The following INTS7 variants were observed in gnomAD, a reference collection of about 807,000 sequenced individuals.
INTS7 encodes integrator complex subunit 7.
A neutral mutation model predicts 109.2 loss-of-function variants in INTS7; 46 were observed. That is an observed-to-expected ratio of 0.42 (90% confidence interval 0.33 to 0.54). The LOEUF (loss-of-function observed/expected upper bound fraction) is 0.54, where lower values mean the gene tolerates loss of function less well. INTS7 is among the 20% of genes least tolerant of loss of function. The pLI, the probability that INTS7 is intolerant of heterozygous loss-of-function variation, is 0.07. For synonymous variants in INTS7, 412 were observed against 402.9 expected (o/e 1.02, Z -0.27); for missense variants, 929 against 1,132.4 (o/e 0.82, Z 2.58).
rs574958448 is a variant in INTS7 at position 211,944,889 on chromosome 1, C to T, written c.2496G>A (p.Glu832=). ...QNNQQLALKV[E]GVVQHGSKPG... ...GTTTAGATCCGTGCTGAACCACTCC[C>T]TCTACCTTTAGCGCCAGCTGCTGGT... Residue 832 remains glutamate, a synonymous_variant, in exon 19 of 20, where the codon GAG becomes GAA. Coordinates refer to ENST00000366994, the MANE Select transcript of INTS7 (RefSeq NM_015434.4). 11 of 1,614,202 alleles carry T rather than the reference C, an allele frequency of 6.8e-6. No homozygotes were observed. In the Admixed American group the frequency reaches 1.7e-4, roughly 24 times the overall value.
At chr1:212,014,946 C>T (rs1558054689) in intron 4 of INTS7, among the ~76,000 whole-genome samples, 1 of 152,220 alleles carries the variant, frequency 6.6e-6, no homozygotes, top group South Asian at 2.1e-4. Flanking sequence ...AGCCTGTGCC[C>T]GGCCGCCACC....
rs1662644240 is a variant in INTS7, at chr1:211,941,830, C to T, written c.2883G>A (p.Arg961=). The part of the protein sequence containing the change: ...QQQQQRNAYT[R]F ...CAGTGCATTCATTCCATGGTTAAAA[C>T]CGTGTGTAGGCATTGCGTTGCTGCT... Residue 961 remains arginine (R), a synonymous_variant, in exon 20 of 20, where the codon CGG becomes CGA. Transcript: ENST00000366994. 6.2e-7 allele frequency: 1 copy of T among 1,613,598 alleles called. No individual in the cohort carries two copies. The highest frequency in any genetic ancestry group is 1.3e-5 in the African/African-American group (1 of 74,896).
intron 7 of INTS7, among the ~76,000 whole-genome samples, chr1:212,001,232 TA>T (rs1558047677): frequency 6.6e-6 from 1 of 151,580 alleles, no homozygotes; most frequent in African/African-American, 2.4e-5. Flanking sequence ...CACGCCCGGC[TA>T]ATTTTGTATT....
chr1:211,973,491 A>C (rs1664269389), intron 13 of INTS7, among the ~76,000 whole-genome samples: 1 of 152,212 alleles, frequency 6.6e-6, no homozygotes, highest in African/African-American at 2.4e-5. Context: ...AGTGTGGCTG[A>C]AGCAGATAAA....
At chr1:211,984,031 T>A (rs1664782479) in intron 8 of INTS7, among the ~76,000 whole-genome samples, 1 of 151,928 alleles carries the variant, frequency 6.6e-6, no homozygotes, top group Admixed American at 6.6e-5. Context: ...ACCTGGCTAA[T>A]TTTGTTATTT....
chr1:211,967,987 A>G lies in INTS7; in HGVS notation c.2011-6T>C. ...TCTTCCATGGACTGTTTCATCTATAAAAAAAAATCAATTATGACAAACAAA... is the reference window on the plus strand; with the variant it reads ...TCTTCCATGGACTGTTTCATCTATAGAAAAAAATCAATTATGACAAACAAA... On this transcript the variant is annotated splice_region_variant and splice_polypyrimidine_tract_variant and intron_variant, in intron 14 of 19. Transcript: ENST00000366994. 6.8e-7 allele frequency: 1 copy of G among 1,475,474 alleles called. No homozygotes were observed. Among genetic ancestry groups the G allele is most frequent in the Non-Finnish European group, 9.3e-7 (1 of 1,077,812 alleles). 91.4% of individuals were successfully genotyped at this position (1,475,474 alleles called of 1,614,324 possible).
At chr1:211,966,584 T>G in intron 15 of INTS7, 86 bp from the exon 16 acceptor site, 1 of 794,050 alleles carries the variant, frequency 1.3e-6, no homozygotes, top group Non-Finnish European at 2.1e-6. Flanking sequence ...TGGTCAAGAT[T>G]TAATGATTGC....
intron 8 of INTS7, among the ~76,000 whole-genome samples, chr1:211,987,050 AC>A (rs1664923527): frequency 1.3e-5 from 2 of 152,346 alleles, no homozygotes; most frequent in South Asian, 4.1e-4. Context: ...TAACCCCAGC[AC>A]TTTGAAAGGG....
Position 211,978,470 on chromosome 1 carries a change from G to T in INTS7, c.1272C>A (p.Pro424=). 1 of 1,614,128 alleles carries T rather than the reference G, an allele frequency of 6.2e-7. No individual in the cohort carries two copies. The highest frequency in any genetic ancestry group is 8.5e-7 in the Non-Finnish European group (1 of 1,180,002). The change falls in exon 11 of 20, where the codon CCC becomes CCA. Residue 424 remains proline, a synonymous_variant. Coordinates refer to ENST00000366994, the MANE Select transcript of INTS7 (RefSeq NM_015434.4). ...TCTCAACTACTGACTGGCTAAGATG[G>T]GGCCTGCCCTTGGCCAACTTCACCA... is the stretch of plus-strand genomic sequence containing the variant. ...NCMVKLAKGR[P]HLSQSVVETL...
At position 211,944,877 on chromosome 1, in the gene INTS7, C is replaced by G; in HGVS notation, c.2508G>C (p.Gln836His). ...GGAAGAGTCCTGGTTTAGATCCGTG[C>G]TGAACCACTCCCTCTACCTTTAGCG... ...QLALKVEGVV[Q>H]HGSKPGLFRK... Residue 836 changes from glutamine (Q) to histidine (H), a missense_variant, in exon 19 of 20, where the codon CAG (glutamine) becomes CAC (histidine). By Grantham distance (24) the Gln-to-His change is conservative. Around this residue, in one of 2 missense-constraint regions of INTS7, gnomAD observed 787 missense variants for 901.1 expected, o/e 0.87. Transcript: ENST00000366994. 1.9e-6 allele frequency: 3 copies of G among 1,614,172 alleles called. No individual in the cohort carries two copies. Among genetic ancestry groups the G allele is most frequent in the Non-Finnish European group, 2.5e-6 (3 of 1,179,980 alleles).
chr1:212,006,897 CCCA>C, intron 6 of INTS7, 136 bp from the exon 7 acceptor site: 1 of 697,636 alleles, frequency 1.4e-6, no homozygotes, highest in South Asian at 2.4e-5. Context: ...TAGCTATGTG[CCCA>C]CATTTGGGCC....
Position 212,016,868 on chromosome 1 carries a change from G to A in INTS7, c.509+18C>T, listed in dbSNP as rs1336554825. 2 of 1,579,934 alleles carry A rather than the reference G, an allele frequency of 1.3e-6. No homozygotes were observed. Among genetic ancestry groups the A allele is most frequent in the Non-Finnish European group, 1.7e-6 (2 of 1,168,858 alleles). Reference sequence around the variant, plus strand: ...GGGAAGCCAAATTACTAAAAGGGATGTACTTTTGTAAGCTTACTTTGACTG... The same window carrying A: ...GGGAAGCCAAATTACTAAAAGGGATATACTTTTGTAAGCTTACTTTGACTG... On this transcript the variant is annotated intron_variant, in intron 4 of 19. Coordinates refer to ENST00000366994, the MANE Select transcript of INTS7 (RefSeq NM_015434.4).
At chr1:212,008,556 C>T (rs548124410) in intron 5 of INTS7, among the ~76,000 whole-genome samples, 6 of 152,222 alleles carry the variant, frequency 3.9e-5, no homozygotes, top group South Asian at 2.1e-4. Context: ...TTTCCATTAT[C>T]GGCTAAATGT....
At chr1:211,954,582 A>G (rs1462232812) in intron 16 of INTS7, among the ~76,000 whole-genome samples, 1 of 152,236 alleles carries the variant, frequency 6.6e-6, no homozygotes, top group African/African-American at 2.4e-5. Flanking sequence ...TATAAGGTGT[A>G]AGGAAGGGAT....
At chr1:212,023,440 T>G (rs1425335365) in intron 1 of INTS7, among the ~76,000 whole-genome samples, 1 of 152,198 alleles carries the variant, frequency 6.6e-6, no homozygotes, top group Non-Finnish European at 1.5e-5. Context: ...ATAATAGCCA[T>G]TTTGACTGGT....
chr1:212,021,830 AG>A (rs1438866958), intron 1 of INTS7, among the ~76,000 whole-genome samples: 1 of 152,152 alleles, frequency 6.6e-6, no homozygotes, highest in African/African-American at 2.4e-5. Context: ...CCTGGGCAGC[AG>A]TGCAAGACCC....
In INTS7 at chr1:211,987,916, C is replaced by T. The variant is rs202190681; in HGVS notation, c.967G>A (p.Ala323Thr). ...ACTATACTGAAGTAATGTTTGATGG[C>T]GATGGTCCCTGATAGTGTGGAAAGG... ...SVLSTLSGTI[A>T]IKHYFSIVPG... is the part of the protein sequence containing the mutation. The change falls in exon 8 of 20, where the codon GCC becomes ACC. Residue 323 changes from alanine (A) to threonine (T), a missense_variant. Transcript: ENST00000366994. 7.3e-5 allele frequency: 117 copies of T among 1,606,730 alleles called. No individual in the cohort carries two copies. The highest frequency in any genetic ancestry group is 3.3e-4 in the Middle Eastern group (2 of 6,052).
At chr1:212,020,701 G>A (rs914540562) in intron 2 of INTS7, 32 of 1,000,440 alleles carry the variant, frequency 3.2e-5, no homozygotes, top group Non-Finnish European at 3.5e-5. Context: ...AAAGCAAATA[G>A]GCATGTATTC....
At chr1:212,018,223 C>T (rs1553253753) in intron 3 of INTS7, among the ~76,000 whole-genome samples, 1 of 152,036 alleles carries the variant, frequency 6.6e-6, no homozygotes, top group Non-Finnish European at 1.5e-5. Flanking sequence ...TCAAGTGTTA[C>T]TGTAGAAAAA....
Sources: gnomAD v4.1 joint callset for allele counts (sites outside exome capture counted in the v4.1 genomes callset) on GRCh38, gnomAD v4.1.1 for gene constraint, gnomAD v4.1.1 regional missense constraint, MANE v1.5 for transcripts, NCBI Gene and HGNC (gene_info 2026-07-23, HGNC 2026-07-21) for gene names.